TMEM161B: variants seen among roughly 807,000 people sequenced by gnomAD.
TMEM161B encodes transmembrane protein 161B.
Under a neutral mutation model 61.8 loss-of-function variants are expected in TMEM161B, and 34 were observed. That is an observed-to-expected ratio of 0.55 (90% confidence interval 0.42 to 0.73). The LOEUF is 0.73. TMEM161B is among the 30% of genes least tolerant of loss of function. TMEM161B has a pLI of 0.00. For missense variants in TMEM161B, 456 were observed against 558.5 expected (o/e 0.82, Z 1.85); for synonymous variants, 167 against 192.8 (o/e 0.87, Z 1.11).
chr5:88,232,941 A>C (rs1580574612), intron 2 of TMEM161B, among the ~76,000 whole-genome samples: 1 of 152,346 alleles, frequency 6.6e-6, no homozygotes, highest in Non-Finnish European at 1.5e-5. Flanking sequence ...TCATTTCTCT[A>C]AAATGGCTTA....
rs551201229 is a variant in TMEM161B, at chr5:88,267,386, G to A, written c.3+1335C>T. ...TTAAAGAGATAGGTTATCTGGTAAAGTGCACCAGGAACTACATTATTTTGA... is the reference window on the plus strand; with the variant it reads ...TTAAAGAGATAGGTTATCTGGTAAAATGCACCAGGAACTACATTATTTTGA... On this transcript the variant is annotated intron_variant, in intron 1 of 11. Transcript: ENST00000296595. Among the ~76,000 whole-genome samples, 6 of 152,144 alleles carry A rather than the reference G, an allele frequency of 3.9e-5. No homozygotes were observed. The South Asian group carries it at 1.2e-3, about 32-fold the overall frequency.
chr5:88,222,335 G>A (rs1438731726), intron 4 of TMEM161B, among the ~76,000 whole-genome samples: 1 of 152,024 alleles, frequency 6.6e-6, no homozygotes, highest in Non-Finnish European at 1.5e-5. Context: ...TCCAAAAGAG[G>A]TGGGATTACA....
intron 2 of TMEM161B, among the ~76,000 whole-genome samples, chr5:88,233,136 A>G (rs780007132): frequency 6.6e-6 from 1 of 152,246 alleles, no homozygotes; most frequent in African/African-American, 2.4e-5. Context: ...TCTGCTAGGC[A>G]GAGGAGATAT....
intron 1 of TMEM161B, among the ~76,000 whole-genome samples, chr5:88,253,661 A>G (rs1580709114): frequency 1.3e-5 from 2 of 152,306 alleles, no homozygotes; most frequent in South Asian, 2.1e-4. Flanking sequence ...ACCAAATCAA[A>G]TATGTTTGGA....
At chr5:88,226,836 G>C (rs1750132275) in intron 3 of TMEM161B, among the ~76,000 whole-genome samples, 1 of 152,142 alleles carries the variant, frequency 6.6e-6, no homozygotes, top group African/African-American at 2.4e-5. Flanking sequence ...AAGGATTCAG[G>C]CCAGGTGCAA....
chr5:88,234,187 G>A lies in TMEM161B; in HGVS notation c.108-5659C>T, dbSNP rs575626124. ...ACAGGAATAATCCAACTGAAATGGA[G>A]CAGGTGATAAAATACATTTTACAAA... On this transcript the variant is annotated intron_variant, in intron 2 of 11. Transcript: ENST00000296595. Among the ~76,000 whole-genome samples the A allele has an allele frequency of 3.3e-5, 5 of 152,278 alleles. No individual in the cohort carries two copies. The East Asian group carries it at 9.7e-4, about 29-fold the overall frequency.
chr5:88,204,823 C>T (rs1436973584), intron 8 of TMEM161B, among the ~76,000 whole-genome samples: 5 of 147,004 alleles, frequency 3.4e-5, no homozygotes, highest in African/African-American at 1.3e-4. Context: ...ATGTACAAAG[C>T]TTATGTAGAA....
chr5:88,238,353 G>C (rs1325474533), intron 2 of TMEM161B, among the ~76,000 whole-genome samples: 1 of 151,392 alleles, frequency 6.6e-6, no homozygotes, highest in Non-Finnish European at 1.5e-5. Flanking sequence ...AAAAAAAAAA[G>C]AACATTTATT....
At chr5:88,219,077 C>T (rs1293030043) in intron 5 of TMEM161B, among the ~76,000 whole-genome samples, 5 of 152,074 alleles carry the variant, frequency 3.3e-5, no homozygotes, top group African/African-American at 1.2e-4. Flanking sequence ...TAGACTGGGG[C>T]TTATCTGAGG....
chr5:88,254,924 G>A (rs1580714310), intron 1 of TMEM161B, among the ~76,000 whole-genome samples: 1 of 151,138 alleles, frequency 6.6e-6, no homozygotes, highest in South Asian at 2.1e-4. Context: ...GAAAATCCAG[G>A]ATGATTAAGT....
At chr5:88,248,926 C>T (rs971291714) in intron 1 of TMEM161B, among the ~76,000 whole-genome samples, 38 of 152,200 alleles carry the variant, frequency 2.5e-4, no homozygotes, top group Middle Eastern at 6.8e-3. Flanking sequence ...GGCTTTTAAG[C>T]CTTCTTTTTT....
chr5:88,190,755 T>A (rs1383710054), downstream of TMEM161B, among the ~76,000 whole-genome samples: 1 of 152,232 alleles, frequency 6.6e-6, no homozygotes. Context: ...TAATTTCTGA[T>A]ATAGTTGCAT....
chr5:88,188,433 T>C (rs1346521667), downstream of TMEM161B, among the ~76,000 whole-genome samples: 2 of 152,218 alleles, frequency 1.3e-5, no homozygotes, highest in African/African-American at 4.8e-5. Context: ...TGATCATTTC[T>C]AGCTTAATTC....
At chr5:88,228,363 T>G (rs1263503481) in intron 3 of TMEM161B, 82 bp downstream of exon 3, 1 of 1,050,426 alleles carries the variant, frequency 9.5e-7, no homozygotes, top group Non-Finnish European at 1.4e-6. Context: ...AATTGGTACA[T>G]GTTTCTTTAA....
downstream of TMEM161B, among the ~76,000 whole-genome samples, chr5:88,187,891 ATTTTGTT>A (rs1748453737): frequency 6.6e-6 from 1 of 152,094 alleles, no homozygotes; most frequent in Non-Finnish European, 1.5e-5. Context: ...GAAACTTTAA[ATTTTGTT>A]CTACAATGGG....
In TMEM161B at chr5:88,195,462, T is replaced by C; in HGVS notation, c.*749A>G. 1.0e-6 allele frequency: 1 copy of C among 979,628 alleles called. No homozygotes were observed. The highest frequency in any genetic ancestry group is 1.2e-6 in the Non-Finnish European group (1 of 824,938). 60.7% of individuals were successfully genotyped at this position (979,628 alleles called of 1,614,324 possible). A position where few individuals can be genotyped will look rare whatever the true frequency, so the allele number is the denominator to read the frequency against. On this transcript the variant is annotated 3_prime_UTR_variant, in exon 12 of 12. Coordinates refer to ENST00000296595, the MANE Select transcript of TMEM161B (RefSeq NM_153354.5). Reference sequence around the variant, plus strand: ...CAGTATTGATAAATATTTTAGCCTATTAAAAGGAACTAGTTAGGATCACAG... The same window carrying C: ...CAGTATTGATAAATATTTTAGCCTACTAAAAGGAACTAGTTAGGATCACAG...
rs551902926 is a variant in TMEM161B at position 88,235,732 on chromosome 5, T to C, written c.107+5081A>G. Reference sequence around the variant, plus strand: ...CTTTGTAATAGCAGCCCTAACCTACTAAAACAGTCACTAATGACAGTTTTA... The same window carrying C: ...CTTTGTAATAGCAGCCCTAACCTACCAAAACAGTCACTAATGACAGTTTTA... On this transcript the variant is annotated intron_variant, in intron 2 of 11. Coordinates refer to ENST00000296595, the MANE Select transcript of TMEM161B (RefSeq NM_153354.5). 7.4e-4 allele frequency among the ~76,000 whole-genome samples: 112 copies of C among 152,312 alleles called. 1 individual carries two copies. The highest frequency in any genetic ancestry group is 2.5e-3 in the African/African-American group (104 of 41,566).
intron 1 of TMEM161B, among the ~76,000 whole-genome samples, chr5:88,252,444 A>C (rs1462697909): frequency 6.6e-6 from 1 of 152,190 alleles, no homozygotes; most frequent in Non-Finnish European, 1.5e-5. Context: ...AGATATAGCG[A>C]TATATTAATC....
chr5:88,238,313 A>T (rs1156590923), intron 2 of TMEM161B, among the ~76,000 whole-genome samples: 1 of 151,832 alleles, frequency 6.6e-6, no homozygotes, highest in Non-Finnish European at 1.5e-5. Flanking sequence ...GACAGGACAG[A>T]TTAATTGACA....
Sources: gnomAD v4.1 joint callset for allele counts (sites outside exome capture counted in the v4.1 genomes callset) on GRCh38, gnomAD v4.1.1 for gene constraint, MANE v1.5 for transcripts, NCBI Gene and HGNC (gene_info 2026-07-23, HGNC 2026-07-21) for gene names.